SGMS1: variants seen among roughly 807,000 people sequenced by gnomAD.
SGMS1 encodes sphingomyelin synthase 1, also known as phosphatidylcholine:ceramide cholinephosphotransferase 1.
Under a neutral mutation model 46.2 loss-of-function variants are expected in SGMS1, and 13 were observed. The ratio of observed to expected loss-of-function variants is 0.28; its 90% CI spans 0.18 to 0.45. SGMS1 has a LOEUF of 0.45. SGMS1 is among the 20% of genes least tolerant of loss of function. The pLI is 1.00. For synonymous variants in SGMS1, 203 were observed against 187.8 expected (o/e 1.08, Z -0.66); for missense variants, 324 against 519.9 (o/e 0.62, Z 3.66).
chr10:50,343,530 T>C lies in SGMS1; in HGVS notation c.585A>G (p.Val195=), dbSNP rs1847855262. 1 of 1,613,832 alleles carries C rather than the reference T, an allele frequency of 6.2e-7. No homozygotes were observed. The highest frequency in any genetic ancestry group is 8.5e-7 in the Non-Finnish European group (1 of 1,179,966). The change falls in exon 7 of 11, where the codon GTA becomes GTG. Residue 195 remains valine (V), a synonymous_variant. Coordinates refer to ENST00000361781, the MANE Select transcript of SGMS1 (RefSeq NM_147156.4). The part of the protein sequence containing the change: ...SICEINGMIL[V]GLWLIQWLLL... ...GCAGCCACTGAATTAACCAGAGTCC[T>C]ACAAGGATCATGCCATTAATTTCAC...
At chr10:50,376,129 A>G (rs1178001570) in intron 6 of SGMS1, among the ~76,000 whole-genome samples, 2 of 152,182 alleles carry the variant, frequency 1.3e-5, no homozygotes, top group Non-Finnish European at 2.9e-5. Context: ...AAGAGGTGAA[A>G]GCACTTTCAC....
rs141389424 is a variant in SGMS1 at position 50,521,484 on chromosome 10, A to G, written c.-588-1563T>C. ...TTATATAATAGTTTAATCTACTGCCATATTCAGTTAACCTAATAATGTCCT... is the reference window on the plus strand; with the variant it reads ...TTATATAATAGTTTAATCTACTGCCGTATTCAGTTAACCTAATAATGTCCT... On this transcript the variant is annotated intron_variant, in intron 2 of 10. Coordinates refer to ENST00000361781, the MANE Select transcript of SGMS1 (RefSeq NM_147156.4). 3.3e-5 allele frequency among the ~76,000 whole-genome samples: 5 copies of G among 152,290 alleles called. No individual in the cohort carries two copies. The East Asian group carries it at 7.7e-4, about 24-fold the overall frequency.
intron 2 of SGMS1, among the ~76,000 whole-genome samples, chr10:50,549,244 C>T (rs182393037): frequency 1.1e-3 from 167 of 152,300 alleles, no homozygotes; most frequent in Middle Eastern, 6.8e-3. Flanking sequence ...TACATGCACA[C>T]GTACATTCAT....
chr10:50,401,613 TTACAC>T (rs1378437471), intron 6 of SGMS1, among the ~76,000 whole-genome samples: 3 of 152,104 alleles, frequency 2.0e-5, no homozygotes, highest in African/African-American at 7.2e-5. Flanking sequence ...CACCAAAACT[TTACAC>T]CAACCAACCA....
At chr10:50,478,139 GCTT>G (rs1234576823) in intron 3 of SGMS1, among the ~76,000 whole-genome samples, 1 of 152,184 alleles carries the variant, frequency 6.6e-6, no homozygotes, top group Non-Finnish European at 1.5e-5. Context: ...TCATGAATCT[GCTT>G]CTTAACAGAT....
chr10:50,457,039 T>G (rs1457466442), intron 5 of SGMS1, among the ~76,000 whole-genome samples: 1 of 152,204 alleles, frequency 6.6e-6, no homozygotes, highest in African/African-American at 2.4e-5. Flanking sequence ...GTGGCAATTA[T>G]GTTCTTGTTT....
At chr10:50,562,381 CACACGGGCGCGCATGCGCACTCTT>C (rs1838247538) in intron 2 of SGMS1, among the ~76,000 whole-genome samples, 1 of 150,492 alleles carries the variant, frequency 6.6e-6, no homozygotes, top group African/African-American at 2.4e-5. Context: ...CACACACTCA[CACACGGGCGCGCATGCGCACTCTT>C]ACACGCACCC....
intron 6 of SGMS1, among the ~76,000 whole-genome samples, chr10:50,353,921 C>G (rs1166229264): frequency 2.0e-5 from 3 of 151,684 alleles, no homozygotes; most frequent in African/African-American, 7.3e-5. Flanking sequence ...TACAAAACCA[C>G]TGCTCAATGA....
At chr10:50,567,551 A>C (rs1461132826) in intron 2 of SGMS1, among the ~76,000 whole-genome samples, 1 of 152,202 alleles carries the variant, frequency 6.6e-6, no homozygotes, top group African/African-American at 2.4e-5. Flanking sequence ...GCCACCTGGC[A>C]ACGAGGAACA....
chr10:50,584,530 C>T (rs1036767982), intron 2 of SGMS1, among the ~76,000 whole-genome samples: 2 of 148,150 alleles, frequency 1.3e-5, no homozygotes, highest in African/African-American at 5.0e-5. Context: ...AGATCAACTA[C>T]ACCTTAACTT....
At chr10:50,493,537 C>G (rs1170945393) in intron 3 of SGMS1, among the ~76,000 whole-genome samples, 1 of 152,114 alleles carries the variant, frequency 6.6e-6, no homozygotes, top group South Asian at 2.1e-4. Flanking sequence ...AGACAACCTA[C>G]AGTATAGGAG....
At chr10:50,323,703 C>G (rs1220757946) in intron 8 of SGMS1, among the ~76,000 whole-genome samples, 1 of 152,148 alleles carries the variant, frequency 6.6e-6, no homozygotes, top group Non-Finnish European at 1.5e-5. Context: ...TTCCTCTATA[C>G]CATGTCATTA....
At chr10:50,317,275 G>A (rs1168901090) in intron 8 of SGMS1, among the ~76,000 whole-genome samples, 2 of 152,214 alleles carry the variant, frequency 1.3e-5, no homozygotes, top group African/African-American at 4.8e-5. Context: ...TTATTTTACT[G>A]TTGGTCAGTA....
chr10:50,507,387 C>T (rs1031910741), intron 3 of SGMS1, among the ~76,000 whole-genome samples: 2 of 152,296 alleles, frequency 1.3e-5, no homozygotes, highest in South Asian at 2.1e-4. Context: ...CTCTTCTGAG[C>T]GACAGAAGCC....
intron 2 of SGMS1, among the ~76,000 whole-genome samples, chr10:50,553,057 C>T (rs1222851667): frequency 6.6e-6 from 1 of 152,172 alleles, no homozygotes; most frequent in African/African-American, 2.4e-5. Context: ...TCATTTGTTA[C>T]AGCAGCTACA....
chr10:50,525,990 A>AATAAT (rs1207811016), intron 2 of SGMS1, among the ~76,000 whole-genome samples: 1 of 152,226 alleles, frequency 6.6e-6, no homozygotes. Context: ...GATAATAATC[A>AATAAT]ATAATACAAC....
At chr10:50,347,380 A>AT (rs1241448625) in intron 6 of SGMS1, among the ~76,000 whole-genome samples, 1 of 152,242 alleles carries the variant, frequency 6.6e-6, no homozygotes, top group East Asian at 1.9e-4. Flanking sequence ...TAAGATGGGC[A>AT]TTCTCTAGAG....
At chr10:50,320,970 G>C (rs1025817653) in intron 8 of SGMS1, among the ~76,000 whole-genome samples, 1 of 152,214 alleles carries the variant, frequency 6.6e-6, no homozygotes, top group African/African-American at 2.4e-5. Flanking sequence ...TGCCCAGAGG[G>C]AGAAGGCGCT....
chr10:50,568,096 A>T (rs1460094320), intron 2 of SGMS1, among the ~76,000 whole-genome samples: 1 of 152,240 alleles, frequency 6.6e-6, no homozygotes, highest in East Asian at 1.9e-4. Context: ...TGCTTTGACC[A>T]TCACATACCT....
Sources: gnomAD v4.1 joint callset for allele counts (sites outside exome capture counted in the v4.1 genomes callset) on GRCh38, gnomAD v4.1.1 for gene constraint, MANE v1.5 for transcripts, NCBI Gene and HGNC (gene_info 2026-07-23, HGNC 2026-07-21) for gene names.